Variants in TMOD1 observed in about 807,000 individuals in gnomAD.
TMOD1 encodes tropomodulin-1.
Under a neutral mutation model 40.6 loss-of-function variants are expected in TMOD1, and 17 were observed. That is an observed-to-expected ratio of 0.42 (90% CI 0.29 to 0.63). The LOEUF is 0.63. Ranked by LOEUF, TMOD1 falls within the 20% of genes least tolerant of loss-of-function variation. The pLI, the probability that TMOD1 is intolerant of heterozygous loss-of-function variation, is 0.22. For missense variants in TMOD1, 391 were observed against 447.6 expected (o/e 0.87, Z 1.14); for synonymous variants, 181 against 175.0 (o/e 1.03, Z -0.27).
chr9:97,582,978 T>G (rs559036998), intron 8 of TMOD1, among the ~76,000 whole-genome samples: 1 of 151,658 alleles, frequency 6.6e-6, no homozygotes, highest in Admixed American at 6.5e-5. Flanking sequence ...TTTTCCTAAT[T>G]GAATACCCTT....
intron 1 of TMOD1, among the ~76,000 whole-genome samples, chr9:97,505,317 C>T (rs771738375): frequency 1.3e-5 from 2 of 152,166 alleles, no homozygotes; most frequent in African/African-American, 2.4e-5. Context: ...CAAGGGCTTG[C>T]GTCCGTCCAC....
chr9:97,524,335 T>G, intron 2 of TMOD1, 27 bp downstream of exon 2: 1 of 1,609,858 alleles, frequency 6.2e-7, no homozygotes. Context: ...GGGAAGCACA[T>G]TGTCACTAGC....
intron 8 of TMOD1, among the ~76,000 whole-genome samples, chr9:97,575,683 C>A (rs1268946288): frequency 6.6e-6 from 1 of 152,180 alleles, no homozygotes; most frequent in Non-Finnish European, 1.5e-5. Flanking sequence ...CGTCAAATGT[C>A]CAAAGTGAGA....
intron 3 of TMOD1, among the ~76,000 whole-genome samples, chr9:97,551,035 T>A (rs1389631949): frequency 0.028 from 2,937 of 105,140 alleles, 120 homozygotes; most frequent in African/African-American, 0.091. Context: ...TTTTTTTTTT[T>A]TTTTTTTAGA....
chr9:97,547,932 G>T (rs1483465066), intron 3 of TMOD1, among the ~76,000 whole-genome samples: 1 of 152,220 alleles, frequency 6.6e-6, no homozygotes, highest in African/African-American at 2.4e-5. Flanking sequence ...GTTGTTGGAT[G>T]AATGGATGAG....
chr9:97,525,054 A>C (rs1829988844), intron 2 of TMOD1, among the ~76,000 whole-genome samples: 2 of 151,950 alleles, frequency 1.3e-5, no homozygotes, highest in African/African-American at 4.9e-5. Flanking sequence ...ACACATATAC[A>C]TCTCTTTAAA....
At chr9:97,529,208 A>G (rs989453325) in intron 2 of TMOD1, among the ~76,000 whole-genome samples, 1 of 152,192 alleles carries the variant, frequency 6.6e-6, no homozygotes, top group Non-Finnish European at 1.5e-5. Context: ...TTTCTGGGAA[A>G]GAGCCTGAGG....
intron 9 of TMOD1, among the ~76,000 whole-genome samples, chr9:97,598,790 A>G (rs1050674076): frequency 6.6e-6 from 1 of 152,162 alleles, no homozygotes; most frequent in Non-Finnish European, 1.5e-5. Context: ...GAACCTGAAG[A>G]CATCTAAGTA....
rs148352626 is a variant in TMOD1, at chr9:97,523,771, C to T, written c.-48-370C>T. Among the ~76,000 whole-genome samples the T allele has an allele frequency of 6.6e-3, 1,005 of 152,162 alleles. 12 individuals carry two copies. The highest frequency in any genetic ancestry group is 0.023 in the African/African-American group (951 of 41,494). The stretch of plus-strand genomic sequence containing the variant: ...TTAAACTCAGTTTTGGCAGAGTTTC[C>T]AGCATTCATGATTCCCTCTGGGGTG... On this transcript the variant is annotated intron_variant, in intron 1 of 9. Coordinates refer to ENST00000259365, the MANE Select transcript of TMOD1 (RefSeq NM_003275.4).
chr9:97,596,855 GACC>G (rs1399199422), intron 9 of TMOD1, among the ~76,000 whole-genome samples: 4 of 152,210 alleles, frequency 2.6e-5, no homozygotes, highest in African/African-American at 9.6e-5. Flanking sequence ...GGGAAGGTCT[GACC>G]ACTTCATTCT....
rs543371625 is a variant in TMOD1, at chr9:97,598,198, G to A, written c.1016-1436G>A. Among the ~76,000 whole-genome samples, 32 of 151,950 alleles carry A rather than the reference G, an allele frequency of 2.1e-4. No individual in the cohort carries two copies. In the East Asian group the frequency reaches 5.4e-3, roughly 26 times the overall value. On this transcript the variant is annotated intron_variant, in intron 9 of 9. Transcript: ENST00000259365. ...ACAAAAATTAGCCGGGTGTGGCAGC[G>A]GGCACCTGTAATGCTAGCTACTCAG...
At chr9:97,582,412 A>G (rs1396284995) in intron 8 of TMOD1, among the ~76,000 whole-genome samples, 11 of 148,494 alleles carry the variant, frequency 7.4e-5, no homozygotes, top group Admixed American at 7.4e-4. Context: ...GCCTTATAGT[A>G]TAGTTTGAAG....
intron 3 of TMOD1, 100 bp from the exon 4 acceptor site, chr9:97,553,181 G>A: frequency 6.5e-7 from 1 of 1,542,768 alleles, no homozygotes; most frequent in Non-Finnish European, 8.8e-7. Context: ...CAGCATGGAG[G>A]GACCCACAGG....
intron 9 of TMOD1, among the ~76,000 whole-genome samples, chr9:97,595,631 G>T (rs1257178120): frequency 6.6e-6 from 1 of 150,378 alleles, no homozygotes; most frequent in East Asian, 1.9e-4. Context: ...AGACACTTAG[G>T]TTGATTCCTT....
chr9:97,518,592 C>T (rs976469016), intron 1 of TMOD1, among the ~76,000 whole-genome samples: 8 of 152,256 alleles, frequency 5.3e-5, no homozygotes, highest in African/African-American at 1.9e-4. Context: ...CACTGGCCTT[C>T]CAATCAATTG....
At position 97,601,626 on chromosome 9, in the gene TMOD1, T is replaced by C; in HGVS notation, c.*1928T>C. 1 of 985,066 alleles carries C rather than the reference T, an allele frequency of 1.0e-6. No individual in the cohort carries two copies. Among genetic ancestry groups the C allele is most frequent in the Non-Finnish European group, 1.2e-6 (1 of 829,104 alleles). 61.0% of individuals were successfully genotyped at this position (985,066 alleles called of 1,614,324 possible). A position where few individuals can be genotyped will look rare whatever the true frequency, so the allele number is the denominator to read the frequency against. On this transcript the variant is annotated 3_prime_UTR_variant, in exon 10 of 10. Transcript: ENST00000259365. ...AACTTTTCTGTAAAAGGCCAGACAG[T>C]AAAAATTTCCGATTTTGCAGGCCAC...
chr9:97,528,827 T>G (rs2131226908), intron 2 of TMOD1, among the ~76,000 whole-genome samples: 1 of 152,400 alleles, frequency 6.6e-6, no homozygotes, highest in East Asian at 1.9e-4. Flanking sequence ...CCTTGGCACC[T>G]AGGCCACTGC....
chr9:97,524,058 C>T (rs1482605068), intron 1 of TMOD1, 83 bp from the exon 2 acceptor site: 29 of 997,942 alleles, frequency 2.9e-5, no homozygotes, highest in Middle Eastern at 2.2e-4. Flanking sequence ...GTACCCAGGC[C>T]GCTGTGTGAA....
chr9:97,576,677 A>G (rs752041308), intron 8 of TMOD1, among the ~76,000 whole-genome samples: 5 of 150,268 alleles, frequency 3.3e-5, no homozygotes, highest in Non-Finnish European at 5.9e-5. Flanking sequence ...TCTGTTGCCC[A>G]GGCTGGAGTG....
Sources: allele counts gnomAD v4.1 joint callset (sites outside exome capture counted in the v4.1 genomes callset), GRCh38; gene constraint gnomAD v4.1.1; transcripts MANE v1.5; gene names NCBI Gene and HGNC (gene_info 2026-07-23, HGNC 2026-07-21).